USP48: variants seen among roughly 807,000 people sequenced by gnomAD.
The protein encoded by USP48 is ubiquitin carboxyl-terminal hydrolase 48.
In USP48, 43 loss-of-function variants were observed where a neutral mutation model predicts 150.7. That is an observed-to-expected ratio of 0.29 (90% CI 0.22 to 0.37). USP48 has a LOEUF of 0.37. Ranked by LOEUF, USP48 falls within the 10% of genes least tolerant of loss-of-function variation. USP48 has a pLI of 1.00. For missense variants in USP48, 813 were observed against 1,249.6 expected (o/e 0.65, Z 5.27); for synonymous variants, 396 against 425.9 (o/e 0.93, Z 0.86).
At chr1:21,680,910 AAAGACAAAAG>A in intron 25 of USP48, 76 bp from the exon 26 acceptor site, 1 of 1,165,878 alleles carries the variant, frequency 8.6e-7, no homozygotes, top group Non-Finnish European at 1.2e-6. Context: ...TTCAATGCTT[AAAGACAAAAG>A]TTTAAAATAA....
At chr1:21,782,631 C>T (rs890836939) in intron 1 of USP48, among the ~76,000 whole-genome samples, 193 bp downstream of exon 1, 1 of 152,258 alleles carries the variant, frequency 6.6e-6, no homozygotes, top group African/African-American at 2.4e-5. Context: ...TGGCCAGCAT[C>T]ACCTCCGCGC....
Position 21,728,229 on chromosome 1 carries a change from G to A in USP48, c.1450+341C>T, listed in dbSNP as rs2097745156. The A allele has an allele frequency of 2.9e-6, 3 of 1,027,704 alleles. No individual in the cohort carries two copies. In the South Asian group the frequency reaches 1.4e-4, roughly 46 times the overall value. 63.7% of individuals were successfully genotyped at this position (1,027,704 alleles called of 1,614,324 possible). The stretch of plus-strand genomic sequence containing the variant: ...ACAAAGTATGCAAAGAAACAGAACA[G>A]GCAAGTTGCTTTTTCCATAGTAATC... On this transcript the variant is annotated intron_variant, in intron 11 of 26. Transcript: ENST00000308271.
chr1:21,687,488 T>G (rs903072863), intron 24 of USP48, among the ~76,000 whole-genome samples: 1 of 152,228 alleles, frequency 6.6e-6, no homozygotes, highest in African/African-American at 2.4e-5. Flanking sequence ...GGGGACTATT[T>G]TCCCATTCTT....
In USP48 at chr1:21,709,367, T is replaced by C. The variant is rs16825856; in HGVS notation, c.1964-2499A>G. ...TTAATTTAAATTTCCCGTGAGTCTATGAAAACTTATTCTAACGTGCCCATC... is the reference window on the plus strand; with the variant it reads ...TTAATTTAAATTTCCCGTGAGTCTACGAAAACTTATTCTAACGTGCCCATC... On this transcript the variant is annotated intron_variant, in intron 15 of 26. Coordinates refer to ENST00000308271, the MANE Select transcript of USP48 (RefSeq NM_032236.8). 3.7e-3 allele frequency among the ~76,000 whole-genome samples: 569 copies of C among 152,252 alleles called. 2 individuals carry two copies. The highest frequency in any genetic ancestry group is 0.013 in the African/African-American group (539 of 41,542).
At chr1:21,686,845 CT>C in intron 25 of USP48, 1 of 241,520 alleles carries the variant, frequency 4.1e-6, no homozygotes, top group Non-Finnish European at 8.0e-6. Context: ...ATGTTATCTT[CT>C]TTTTAGGCTC....
rs763602128 is a variant in USP48, at chr1:21,701,521, C to T, written c.2704G>A (p.Glu902Lys). ...ACTTGATTAAAATCTGGATCTTTTT[C>T]TCCATCTGGTTTAGCTTCTTCCTTG... ...EDKEEAKPDGEKDPDFNQSNG... is the reference protein window; with the variant it reads ...EDKEEAKPDGKKDPDFNQSNG... Residue 902 changes from glutamate to lysine, a missense_variant, in exon 22 of 27, where the codon GAA becomes AAA. Coordinates refer to ENST00000308271, the MANE Select transcript of USP48 (RefSeq NM_032236.8). 1.2e-6 allele frequency: 2 copies of T among 1,613,918 alleles called. No individual in the cohort carries two copies.
At chr1:21,723,322 C>A (rs368129574) in intron 12 of USP48, among the ~76,000 whole-genome samples, 1 of 152,080 alleles carries the variant, frequency 6.6e-6, no homozygotes, top group East Asian at 1.9e-4. Context: ...GAGTTTGAGA[C>A]CAGCCTGGGC....
intron 9 of USP48, chr1:21,732,772 A>AG (rs1394372501): frequency 8.5e-6 from 2 of 236,182 alleles, no homozygotes; most frequent in African/African-American, 4.6e-5. Context: ...CTGTTCAGTT[A>AG]TCCTTGAAAA....
At chr1:21,727,634 A>C (rs1408968847) in intron 11 of USP48, among the ~76,000 whole-genome samples, 1 of 152,220 alleles carries the variant, frequency 6.6e-6, no homozygotes, top group Non-Finnish European at 1.5e-5. Flanking sequence ...GTTCATTTCC[A>C]AATCATTTCC....
intron 26 of USP48, 34 bp downstream of exon 26, chr1:21,680,774 C>T (rs111302043): frequency 0.016 from 25,685 of 1,570,060 alleles, 976 homozygotes; most frequent in African/African-American, 0.15. Context: ...ATGACTCTGA[C>T]ATTCATGAAC....
In USP48 at chr1:21,728,648, G is replaced by A. The variant is rs964710315; in HGVS notation, c.1372C>T (p.Arg458Cys). 4 of 1,614,056 alleles carry A rather than the reference G, an allele frequency of 2.5e-6. No homozygotes were observed. The highest frequency in any genetic ancestry group is 2.2e-5 in the East Asian group (1 of 44,870). ...TTTCCTTTATCCACACTTTGCTTAC[G>A]CATCTCAGCCATTTCAATACACCAC... is the stretch of plus-strand genomic sequence containing the variant. ...EEWCIEMAEM[R>C]KQSVDKGKAK... The change falls in exon 11 of 27, where the codon CGT (arginine) becomes TGT (cysteine). Residue 458 changes from arginine (R) to cysteine (C), a missense_variant. Transcript: ENST00000308271.
At chr1:21,738,288 C>T (rs541360986) in intron 8 of USP48, among the ~76,000 whole-genome samples, 2 of 151,480 alleles carry the variant, frequency 1.3e-5, no homozygotes, top group South Asian at 4.2e-4. Flanking sequence ...GAACTCCTGA[C>T]CTCAGGTGAT....
intron 1 of USP48, among the ~76,000 whole-genome samples, chr1:21,762,385 C>T (rs961514762): frequency 6.6e-6 from 1 of 152,190 alleles, no homozygotes; most frequent in Admixed American, 6.5e-5. Flanking sequence ...AAAATTACAG[C>T]TAGTGGCAAT....
intron 9 of USP48, among the ~76,000 whole-genome samples, chr1:21,730,514 G>A (rs911702842): frequency 6.6e-6 from 1 of 151,780 alleles, no homozygotes; most frequent in Non-Finnish European, 1.5e-5. Flanking sequence ...GGCCAACATG[G>A]TGAAAACCCA....
chr1:21,767,113 G>C (rs1270524201), intron 1 of USP48, among the ~76,000 whole-genome samples: 2 of 152,008 alleles, frequency 1.3e-5, no homozygotes, highest in Non-Finnish European at 2.9e-5. Context: ...TGGCCTCCTG[G>C]GCACTCAGGG....
At chr1:21,686,661 G>A (rs2097580978) in intron 25 of USP48, 1 of 153,428 alleles carries the variant, frequency 6.5e-6, no homozygotes, top group Admixed American at 6.5e-5. Flanking sequence ...CTAAGAGATG[G>A]TCTCCTATTT....
At chr1:21,680,984 C>T (rs1188794770) in intron 25 of USP48, 150 bp from the exon 26 acceptor site, 3 of 605,138 alleles carry the variant, frequency 5.0e-6, no homozygotes, top group Non-Finnish European at 8.6e-6. Context: ...ACGGATGTTA[C>T]TAATTTCAGA....
rs749617924 is a variant in USP48, at chr1:21,706,829, G to C, written c.2003C>G (p.Ser668Cys). ...CTGCAGTTTGCTCCAAGCCTCTTTA[G>C]AAACAAGCCTTCTTTCATTTTCAGA... ...CISENERRLVSKEAWSKLQQY... is the reference protein window; with the variant it reads ...CISENERRLVCKEAWSKLQQY... Residue 668 changes from serine (S) to cysteine (C), a missense_variant, in exon 16 of 27, where the codon TCT becomes TGT. Physicochemically the swap from Ser to Cys is moderately radical, Grantham distance 112. Coordinates refer to ENST00000308271, the MANE Select transcript of USP48 (RefSeq NM_032236.8). 3 of 1,611,824 alleles carry C rather than the reference G, an allele frequency of 1.9e-6. No homozygotes were observed. The highest frequency in any genetic ancestry group is 1.7e-6 in the Non-Finnish European group (2 of 1,179,608).
intron 14 of USP48, among the ~76,000 whole-genome samples, chr1:21,717,930 C>T (rs984356060): frequency 1.8e-4 from 28 of 152,072 alleles, no homozygotes; most frequent in Non-Finnish European, 3.5e-4. Context: ...AGGGAGACTC[C>T]GTCTCAAAAA....
Sources: allele counts gnomAD v4.1 joint callset (sites outside exome capture counted in the v4.1 genomes callset), GRCh38; gene constraint gnomAD v4.1.1; transcripts MANE v1.5; gene names NCBI Gene and HGNC (gene_info 2026-07-23, HGNC 2026-07-21).